The following OPRM1 variants were observed in gnomAD, a reference collection of about 807,000 sequenced individuals.
The protein encoded by OPRM1 is mu-type opioid receptor.
A neutral mutation model predicts 31.8 loss-of-function variants in OPRM1; 27 were observed. That is an observed-to-expected ratio of 0.85 (90% CI 0.63 to 1.17). OPRM1 has a LOEUF of 1.17. Ranked by LOEUF, OPRM1 falls within the 50% of genes most tolerant of loss-of-function variation. The probability of loss-of-function intolerance (pLI) is 0.00; values close to 1 mark genes in which losing one functional copy is unlikely to be tolerated. For missense variants in OPRM1, 536 were observed against 511.1 expected, an observed-to-expected ratio of 1.05 and a Z score of -0.47; for synonymous variants, 196 against 189.9, an observed-to-expected ratio of 1.03 and a Z score of -0.26.
rs572939037 is a variant in OPRM1, at chr6:154,129,397, G to A, written c.*10676G>A. On this transcript the variant is annotated 3_prime_UTR_variant, in exon 4 of 4. Transcript: ENST00000330432. ...GCCAGGCGGGCCCAGGCCTGGTTTC[G>A]GGCCTGGCGCTGAGCTGCCTGTATT... is the stretch of plus-strand genomic sequence containing the variant. 2.6e-5 allele frequency among the ~76,000 whole-genome samples: 4 copies of A among 152,280 alleles called. No homozygotes were observed. Among genetic ancestry groups the A allele is most frequent in the East Asian group, 1.9e-4 (1 of 5,178 alleles).
chr6:154,094,558 G>A (rs552712888), intron 3 of OPRM1, among the ~76,000 whole-genome samples: 1 of 152,304 alleles, frequency 6.6e-6, no homozygotes, highest in African/African-American at 2.4e-5. Context: ...CCGATGGGCG[G>A]GTGGTCAGCT....
At chr6:154,135,512 G>GATATAGAT (rs1181974927), downstream of OPRM1, among the ~76,000 whole-genome samples, 3 of 151,974 alleles carry the variant, frequency 2.0e-5, no homozygotes, top group Admixed American at 2.0e-4. Context: ...TATAGATATA[G>GATATAGAT]ATATAGATAT....
Position 154,160,081 on chromosome 6 carries a change from G to C in OPRM1, c.1164+68609G>C. The stretch of plus-strand genomic sequence containing the variant: ...AAAAGGGGAAGGGGGTATGTTGAGA[G>C]TGTCTTAATTTACATAAACCATCTT... On this transcript the variant is annotated intron_variant, in intron 3 of 3. Transcript: ENST00000337049. 4.8e-6 allele frequency: 7 copies of C among 1,459,890 alleles called. No homozygotes were observed. The South Asian group carries it at 7.1e-5, about 15-fold the overall frequency. 90.4% of individuals were successfully genotyped at this position (1,459,890 alleles called of 1,614,324 possible). A position where few individuals can be genotyped will look rare whatever the true frequency, so the allele number is the denominator to read the frequency against.
chr6:154,173,833 T>C (rs1800073671), intron 3 of OPRM1, among the ~76,000 whole-genome samples: 1 of 152,156 alleles, frequency 6.6e-6, no homozygotes, highest in African/African-American at 2.4e-5. Context: ...GCCACAAAGA[T>C]ACTCCTTGAG....
chr6:154,152,318 A>AG (rs139436131), intron 3 of OPRM1, among the ~76,000 whole-genome samples: 1,637 of 52,184 alleles, frequency 0.031, 51 homozygotes, highest in African/African-American at 0.091. Flanking sequence ...AAAGAAAGAA[A>AG]GAAAGAAAGA....
intron 1 of OPRM1, among the ~76,000 whole-genome samples, chr6:154,032,254 C>T (rs761754907): frequency 2.0e-5 from 3 of 152,072 alleles, no homozygotes; most frequent in Non-Finnish European, 2.9e-5. Flanking sequence ...CTTGTAAGTG[C>T]TTTATTAACG....
Position 154,121,222 on chromosome 6 carries a change from CTTTG to C in OPRM1, c.*2505_*2508del, listed in dbSNP as rs1797280919. Among the ~76,000 whole-genome samples, 1 of 152,170 alleles carries C rather than the reference CTTTG, an allele frequency of 6.6e-6. No homozygotes were observed. The highest frequency in any genetic ancestry group is 1.5e-5 in the Non-Finnish European group (1 of 68,002). On this transcript the variant is annotated 3_prime_UTR_variant, in exon 4 of 4. Transcript: ENST00000330432. ...GCAGACTGTAGCTATGGGGCGGAAGCTTTGTTTCTTTACCTGATCACTTGCTGTG... is the reference window on the plus strand; with the variant it reads ...GCAGACTGTAGCTATGGGGCGGAAGCTTTCTTTACCTGATCACTTGCTGTG...
At chr6:154,068,549 T>C (rs1405718563) in intron 1 of OPRM1, among the ~76,000 whole-genome samples, 3 of 152,200 alleles carry the variant, frequency 2.0e-5, no homozygotes, top group Non-Finnish European at 4.4e-5. Flanking sequence ...TTCTTTTTTA[T>C]GGCTAAGTCG....
chr6:154,081,319 C>T (rs1055750417), intron 1 of OPRM1, among the ~76,000 whole-genome samples: 5 of 152,086 alleles, frequency 3.3e-5, no homozygotes, highest in African/African-American at 1.2e-4. Flanking sequence ...CTTGCTAACA[C>T]AGGGAAACCC....
chr6:154,242,585 A>C (rs907781862), intron 3 of OPRM1, among the ~76,000 whole-genome samples: 4 of 152,180 alleles, frequency 2.6e-5, no homozygotes, highest in Non-Finnish European at 5.9e-5. Context: ...GAGGACAAGC[A>C]TGATAGTAAG....
rs1289240128 is a variant in OPRM1, at chr6:154,180,405, TATATA to T, written c.1165-66287_1165-66283del. ...CAACAACTATATATATATATATATA[TATATA>T]TATATTTTTTTTTTAAACATGATCC... is the stretch of plus-strand genomic sequence containing the variant. On this transcript the variant is annotated intron_variant, in intron 3 of 3. Coordinates refer to the OPRM1 transcript ENST00000337049. Among the ~76,000 whole-genome samples the T allele has an allele frequency of 3.9e-3, 163 of 41,986 alleles. 2 individuals are homozygous for T. Among genetic ancestry groups the T allele is most frequent in the African/African-American group, 0.012 (160 of 13,718 alleles). The allele number at this position is 41,986 out of a possible 152,430, so 27.5% of individuals were successfully genotyped here.
intron 3 of OPRM1, among the ~76,000 whole-genome samples, chr6:154,152,674 G>A (rs1798571033): frequency 6.6e-6 from 1 of 150,554 alleles, no homozygotes; most frequent in Admixed American, 6.6e-5. Context: ...TACCTGATCT[G>A]ATAATTAAAA....
chr6:154,097,723 G>A (rs1793646968), intron 3 of OPRM1, among the ~76,000 whole-genome samples: 1 of 152,056 alleles, frequency 6.6e-6, no homozygotes. Context: ...ATAAATTATT[G>A]TGATATGTGA....
At position 154,159,994 on chromosome 6, in the gene OPRM1, G is replaced by A. The variant is rs772834946; in HGVS notation, c.1164+68522G>A. 7 of 1,612,550 alleles carry A rather than the reference G, an allele frequency of 4.3e-6. No homozygotes were observed. Among genetic ancestry groups the A allele is most frequent in the African/African-American group, 2.7e-5 (2 of 74,908 alleles). On this transcript the variant is annotated intron_variant, in intron 3 of 3. Coordinates refer to the OPRM1 transcript ENST00000337049. ...TCTGTATTTCCTGGCTGTCAGCTTC[G>A]GGTCATCCAGCAACTGGTTAATCAT...
intron 3 of OPRM1, among the ~76,000 whole-genome samples, chr6:154,117,858 GGT>G (rs60794328): frequency 7.7e-4 from 112 of 145,650 alleles, no homozygotes; most frequent in African/African-American, 2.2e-3. Context: ...TTAAAAAGAT[GGT>G]GTGTGTGTGT....
chr6:154,192,318 C>CTGTGTGTG (rs56231733), intron 3 of OPRM1, among the ~76,000 whole-genome samples: 7,551 of 148,008 alleles, frequency 0.051, 225 homozygotes, highest in South Asian at 0.13. Context: ...CACGTGGTTA[C>CTGTGTGTG]TGTGTGTGTG....
chr6:154,033,815 G>C (rs1324055392), intron 1 of OPRM1, among the ~76,000 whole-genome samples: 2 of 152,120 alleles, frequency 1.3e-5, no homozygotes, highest in Non-Finnish European at 2.9e-5. Context: ...TCTTTCCATG[G>C]ATCAACAAGG....
At chr6:154,151,448 C>T (rs1189363202) in intron 3 of OPRM1, among the ~76,000 whole-genome samples, 1 of 152,204 alleles carries the variant, frequency 6.6e-6, no homozygotes, top group Admixed American at 6.5e-5. Flanking sequence ...TGCACCACAG[C>T]TGTCAGTCAT....
At chr6:154,093,320 G>A (rs202138195) in intron 3 of OPRM1, 8 of 1,613,668 alleles carry the variant, frequency 5.0e-6, no homozygotes, top group Non-Finnish European at 6.8e-6. Flanking sequence ...AAGGCTGCTT[G>A]GTTGTGTACC....
Sources: allele counts gnomAD v4.1 joint callset (sites outside exome capture counted in the v4.1 genomes callset), GRCh38; gene constraint gnomAD v4.1.1; transcripts MANE v1.5; gene names NCBI Gene and HGNC (gene_info 2026-07-23, HGNC 2026-07-21).